The following SAE1 variants were observed in gnomAD, a reference collection of about 807,000 sequenced individuals.
The protein encoded by SAE1 is SUMO-activating enzyme subunit 1.
SAE1 carries 11 observed loss-of-function variants against 40.6 expected under a neutral mutation model. That is an observed-to-expected ratio of 0.27 (90% CI 0.17 to 0.45). The LOEUF (loss-of-function observed/expected upper bound fraction) is 0.45. Among genes scored for constraint, SAE1 ranks in the 20% least tolerant of loss-of-function variants. The pLI is 1.00. For synonymous variants in SAE1, 155 were observed against 154.3 expected, an observed-to-expected ratio of 1.00 and a Z score of -0.03; for missense variants, 373 against 427.3, an observed-to-expected ratio of 0.87 and a Z score of 1.12.
chr19:47,163,490 G>A (rs1176773859), intron 5 of SAE1, among the ~76,000 whole-genome samples: 3 of 152,102 alleles, frequency 2.0e-5, no homozygotes, highest in African/African-American at 7.2e-5. Context: ...CACTTTGGGA[G>A]GCCAAGGCGG....
chr19:47,205,248 C>G (rs985101253), intron 8 of SAE1, among the ~76,000 whole-genome samples: 3 of 151,030 alleles, frequency 2.0e-5, no homozygotes, highest in Non-Finnish European at 4.4e-5. Context: ...GCCCTTAACA[C>G]TTTGTCTTGG....
intron 8 of SAE1, among the ~76,000 whole-genome samples, chr19:47,208,105 C>T (rs1381684012): frequency 6.6e-6 from 1 of 152,176 alleles, no homozygotes; most frequent in Non-Finnish European, 1.5e-5. Context: ...CAGTGTGTTC[C>T]TTGATTAAAT....
At position 47,169,246 on chromosome 19, in the gene SAE1, GTT is replaced by G. The variant is rs546295428; in HGVS notation, c.628-569_628-568del. 1.6e-3 allele frequency among the ~76,000 whole-genome samples: 240 copies of G among 152,142 alleles called. 1 individual carries two copies. The highest frequency in any genetic ancestry group is 5.2e-3 in the African/African-American group (214 of 41,514). On this transcript the variant is annotated intron_variant, in intron 5 of 8. Coordinates refer to ENST00000270225, the MANE Select transcript of SAE1 (RefSeq NM_005500.3). ...TATGAATACAGCCAGAGGTTTTTTA[GTT>G]TTGTTTTGGTTTTTTTGAGGAGTCT... is the stretch of plus-strand genomic sequence containing the variant.
At chr19:47,174,101 A>G (rs1207190690) in intron 6 of SAE1, among the ~76,000 whole-genome samples, 1 of 151,580 alleles carries the variant, frequency 6.6e-6, no homozygotes, top group Admixed American at 6.6e-5. Context: ...CCTTAATTCC[A>G]TCCCTCAGTG....
intron 8 of SAE1, among the ~76,000 whole-genome samples, chr19:47,205,112 C>T (rs1044301623): frequency 6.6e-6 from 1 of 152,164 alleles, no homozygotes; most frequent in East Asian, 1.9e-4. Flanking sequence ...AGGTTCTTGG[C>T]TGCCTTCGTG....
At chr19:47,133,673 T>C (rs2058161182) in intron 1 of SAE1, among the ~76,000 whole-genome samples, 1 of 152,018 alleles carries the variant, frequency 6.6e-6, no homozygotes, top group Non-Finnish European at 1.5e-5. Flanking sequence ...ATAAATATAT[T>C]CTGGATATAT....
intron 1 of SAE1, among the ~76,000 whole-genome samples, chr19:47,135,896 C>T (rs896190194): frequency 2.0e-5 from 3 of 152,008 alleles, no homozygotes; most frequent in African/African-American, 7.3e-5. Context: ...CTCCGCCTCC[C>T]AGGTTCACGC....
intron 5 of SAE1, among the ~76,000 whole-genome samples, chr19:47,156,631 G>C (rs2058326411): frequency 6.7e-6 from 1 of 149,128 alleles, no homozygotes; most frequent in African/African-American, 2.5e-5. Context: ...AGATTTTCCT[G>C]CCTCAGCCTC....
chr19:47,160,076 T>C (rs1303746538), intron 5 of SAE1, among the ~76,000 whole-genome samples: 2 of 152,178 alleles, frequency 1.3e-5, no homozygotes, highest in African/African-American at 4.8e-5. Context: ...ATATTAATTC[T>C]CACGGTTTAG....
intron 1 of SAE1, among the ~76,000 whole-genome samples, chr19:47,143,122 T>A (rs898808321): frequency 1.3e-5 from 2 of 152,120 alleles, no homozygotes; most frequent in Admixed American, 1.3e-4. Context: ...TTTTTTTTTT[T>A]GAGACGGAGT....
chr19:47,131,832 C>A (rs897752918), intron 1 of SAE1, among the ~76,000 whole-genome samples: 1 of 150,412 alleles, frequency 6.6e-6, no homozygotes, highest in African/African-American at 2.4e-5. Context: ...TCCCGAGTAG[C>A]TGGGATTATA....
chr19:47,134,518 T>C (rs536406437), intron 1 of SAE1, among the ~76,000 whole-genome samples: 7 of 152,118 alleles, frequency 4.6e-5, no homozygotes, highest in African/African-American at 1.7e-4. Flanking sequence ...TGGACTGCAT[T>C]GATTTTAGGG....
chr19:47,202,479 G>A (rs1197285466), intron 7 of SAE1, among the ~76,000 whole-genome samples: 1 of 151,332 alleles, frequency 6.6e-6, no homozygotes, highest in Non-Finnish European at 1.5e-5. Context: ...GTAGAAACGG[G>A]GTTTCACCAT....
Position 47,174,675 on chromosome 19 carries a change from C to G in SAE1, c.733+4752C>G, listed in dbSNP as rs181539225. On this transcript the variant is annotated intron_variant, in intron 6 of 8. Coordinates refer to ENST00000270225, the MANE Select transcript of SAE1 (RefSeq NM_005500.3). ...GCAAGCTCTGCCTCCCGGGTTCACG[C>G]CATTCTCCTGCCTCAGCCTCCCGAG... is the stretch of plus-strand genomic sequence containing the variant. Among the ~76,000 whole-genome samples, 1,151 of 151,342 alleles carry G rather than the reference C, an allele frequency of 7.6e-3. 9 individuals are homozygous for G. Among genetic ancestry groups the G allele is most frequent in the African/African-American group, 0.027 (1,096 of 41,178 alleles).
intron 6 of SAE1, among the ~76,000 whole-genome samples, chr19:47,194,254 T>TG (rs1568607773): frequency 6.6e-6 from 1 of 152,138 alleles, no homozygotes; most frequent in Admixed American, 6.6e-5. Flanking sequence ...ACTTAGAGAA[T>TG]GGCCCTCAAC....
At chr19:47,133,866 GTT>G (rs1360686305) in intron 1 of SAE1, among the ~76,000 whole-genome samples, 2 of 139,498 alleles carry the variant, frequency 1.4e-5, no homozygotes, top group African/African-American at 2.6e-5. Flanking sequence ...TTTTTTGTTT[GTT>G]TTTTTTTTTT....
intron 4 of SAE1, among the ~76,000 whole-genome samples, chr19:47,154,575 ACCT>A (rs1418900632): frequency 7.7e-6 from 1 of 129,064 alleles, no homozygotes; most frequent in African/African-American, 3.1e-5. Context: ...GCTCATTGCA[ACCT>A]CCTCCTCCTG....
rs541240774 is a variant in SAE1, at chr19:47,155,059, C to T, written c.528-55C>T. 3 of 1,131,910 alleles carry T rather than the reference C, an allele frequency of 2.7e-6. No homozygotes were observed. The African/African-American group carries it at 4.7e-5, about 18-fold the overall frequency. 70.1% of individuals were successfully genotyped at this position (1,131,910 alleles called of 1,614,324 possible). On this transcript the variant is annotated intron_variant, in intron 4 of 8. Transcript: ENST00000270225. Reference sequence around the variant, plus strand: ...TGACCTGGAGAGGCTTTTTTTGATTCCAATAACATGATTCCTAGGGTAAAA... The same window carrying T: ...TGACCTGGAGAGGCTTTTTTTGATTTCAATAACATGATTCCTAGGGTAAAA...
intron 6 of SAE1, among the ~76,000 whole-genome samples, chr19:47,194,083 C>A (rs2058598013): frequency 6.6e-6 from 1 of 152,104 alleles, no homozygotes. Flanking sequence ...TCAGTGGAGC[C>A]ACCTGTTGTA....
Sources: gnomAD v4.1 joint callset for allele counts (sites outside exome capture counted in the v4.1 genomes callset) on GRCh38, gnomAD v4.1.1 for gene constraint, MANE v1.5 for transcripts, NCBI Gene and HGNC (gene_info 2026-07-23, HGNC 2026-07-21) for gene names.